FBXO34: variants seen among roughly 807,000 people sequenced by gnomAD.
The protein encoded by FBXO34 is F-box only protein 34.
In FBXO34, 12 loss-of-function variants were observed where a neutral mutation model predicts 24.5. That is an observed-to-expected ratio of 0.49 (90% CI 0.31 to 0.79). The LOEUF is 0.79. Ranked by LOEUF, FBXO34 falls within the 30% of genes least tolerant of loss-of-function variation. The pLI is 0.04. For missense variants in FBXO34, 823 were observed against 857.7 expected (o/e 0.96, Z 0.51); for synonymous variants, 320 against 311.9 (o/e 1.03, Z -0.27).
chr14:55,416,229 T>G, the FBXO34 span, among the ~76,000 whole-genome samples: 1 of 152,282 alleles, frequency 6.6e-6, no homozygotes, highest in South Asian at 2.1e-4. Context: ...TTTAAAATGG[T>G]TAAATTTGTT....
At chr14:55,275,650 TAAAAAA>T (rs772731752) in intron 1 of FBXO34, among the ~76,000 whole-genome samples, 1 of 133,922 alleles carries the variant, frequency 7.5e-6, no homozygotes, top group East Asian at 2.1e-4. Flanking sequence ...CCATCTCTAC[TAAAAAA>T]AAAAAAAAAT....
chr14:55,280,281 C>G (rs1200208351), intron 1 of FBXO34, among the ~76,000 whole-genome samples: 1 of 152,058 alleles, frequency 6.6e-6, no homozygotes, highest in Non-Finnish European at 1.5e-5. Flanking sequence ...GTAGAAATAG[C>G]CCTCTATCTG....
downstream of FBXO34, chr14:55,369,295 G>A (rs1394025936): frequency 2.0e-5 from 4 of 196,256 alleles, no homozygotes; most frequent in Admixed American, 5.9e-5. Flanking sequence ...CTGTGGGCCC[G>A]GTGGCCCGGG....
intron 1 of FBXO34, among the ~76,000 whole-genome samples, chr14:55,334,388 G>T (rs966660837): frequency 6.6e-6 from 1 of 152,182 alleles, no homozygotes; most frequent in Non-Finnish European, 1.5e-5. Flanking sequence ...TGTGTGCCCT[G>T]TGATGGACAC....
the FBXO34 span, chr14:55,433,599 C>T: frequency 6.3e-7 from 1 of 1,585,104 alleles, no homozygotes; most frequent in Non-Finnish European, 8.7e-7. Flanking sequence ...AATTGTTTCT[C>T]TGGTAGGGGT....
chr14:55,294,629 C>T (rs1388923144), intron 1 of FBXO34, among the ~76,000 whole-genome samples: 1 of 152,134 alleles, frequency 6.6e-6, no homozygotes, highest in Admixed American at 6.5e-5. Flanking sequence ...ATTTTAAATA[C>T]TTATATTTGA....
At chr14:55,299,650 C>G (rs568517970) in intron 1 of FBXO34, among the ~76,000 whole-genome samples, 67 of 152,194 alleles carry the variant, frequency 4.4e-4, no homozygotes, top group Non-Finnish European at 7.8e-4. Flanking sequence ...GTCTTAGTAT[C>G]CTCAGATTCC....
chr14:55,394,081 A>G, the FBXO34 span, among the ~76,000 whole-genome samples: 2 of 147,808 alleles, frequency 1.4e-5, no homozygotes, highest in Non-Finnish European at 3.0e-5. Flanking sequence ...ATCTCGGCTC[A>G]CTGTGATCTC....
At chr14:55,396,380 G>A in the FBXO34 span, among the ~76,000 whole-genome samples, 2 of 152,170 alleles carry the variant, frequency 1.3e-5, no homozygotes, top group African/African-American at 4.8e-5. Context: ...AATGTTCTAT[G>A]GGAAAAATAA....
chr14:55,334,708 G>A (rs148421031), intron 1 of FBXO34, among the ~76,000 whole-genome samples: 55 of 152,222 alleles, frequency 3.6e-4, no homozygotes, highest in African/African-American at 1.2e-3. Context: ...GAACTCAGGC[G>A]GAAGCTCTTC....
intron 1 of FBXO34, among the ~76,000 whole-genome samples, chr14:55,326,950 A>G (rs1481375407): frequency 2.6e-5 from 4 of 152,236 alleles, no homozygotes; most frequent in African/African-American, 9.6e-5. Flanking sequence ...TATGGCAGTG[A>G]ACAAAACTAA....
At position 55,348,466 on chromosome 14, in the gene FBXO34, C is replaced by G. The variant is rs566649302; in HGVS notation, c.-10-1915C>G. Among the ~76,000 whole-genome samples, 7 of 152,278 alleles carry G rather than the reference C, an allele frequency of 4.6e-5. No individual in the cohort carries two copies. The South Asian group carries it at 1.2e-3, about 27-fold the overall frequency. On this transcript the variant is annotated intron_variant, in intron 1 of 1. Coordinates refer to ENST00000313833, the MANE Select transcript of FBXO34 (RefSeq NM_017943.4). ...AGGCTTTCCTAGTTGAAGCATACATCTTGGACAGCTCAGTGTATTCATCCT... is the reference window on the plus strand; with the variant it reads ...AGGCTTTCCTAGTTGAAGCATACATGTTGGACAGCTCAGTGTATTCATCCT...
At chr14:55,287,425 A>C (rs1881799791) in intron 1 of FBXO34, among the ~76,000 whole-genome samples, 1 of 152,160 alleles carries the variant, frequency 6.6e-6, no homozygotes, top group Non-Finnish European at 1.5e-5. Flanking sequence ...ATTCACACAT[A>C]AGTATAAGAA....
At chr14:55,389,958 G>GC in the FBXO34 span, among the ~76,000 whole-genome samples, 1 of 151,078 alleles carries the variant, frequency 6.6e-6, no homozygotes, top group Non-Finnish European at 1.5e-5. Flanking sequence ...ACTCACTAAG[G>GC]GAAAAAAAAA....
chr14:55,384,008 C>T, the FBXO34 span, among the ~76,000 whole-genome samples: 5 of 152,144 alleles, frequency 3.3e-5, no homozygotes, highest in African/African-American at 1.2e-4. Context: ...TTTCCTTCTG[C>T]CACAACATAC....
the FBXO34 span, among the ~76,000 whole-genome samples, chr14:55,431,984 C>T: frequency 6.6e-6 from 1 of 151,800 alleles, no homozygotes; most frequent in African/African-American, 2.4e-5. Context: ...TGAAAAAGAC[C>T]AAAAAATATA....
the FBXO34 span, chr14:55,413,539 A>G: frequency 7.6e-6 from 3 of 395,168 alleles, no homozygotes; most frequent in Non-Finnish European, 1.5e-5. Context: ...ACAGTTCAGA[A>G]TTTTTTTTGA....
At chr14:55,305,123 TGA>T (rs1882493513) in intron 1 of FBXO34, among the ~76,000 whole-genome samples, 1 of 152,186 alleles carries the variant, frequency 6.6e-6, no homozygotes, top group Non-Finnish European at 1.5e-5. Context: ...ATTTCAAAAA[TGA>T]GTCTTGGCCG....
At chr14:55,334,356 T>G (rs1020917439) in intron 1 of FBXO34, among the ~76,000 whole-genome samples, 17 of 152,178 alleles carry the variant, frequency 1.1e-4, no homozygotes, top group Non-Finnish European at 1.5e-5. Context: ...TAATGAGTAC[T>G]TACATGTACA....
Sources: allele counts gnomAD v4.1 joint callset (sites outside exome capture counted in the v4.1 genomes callset), GRCh38; gene constraint gnomAD v4.1.1; transcripts MANE v1.5; gene names NCBI Gene and HGNC (gene_info 2026-07-23, HGNC 2026-07-21).